PARD3: variants seen among roughly 807,000 people sequenced by gnomAD.
The protein encoded by PARD3 is par-3 family cell polarity regulator.
Under a neutral mutation model 155.4 loss-of-function variants are expected in PARD3, and 75 were observed. That is an observed-to-expected ratio of 0.48 (90% CI 0.40 to 0.58). PARD3 has a LOEUF of 0.58. Among genes scored for constraint, PARD3 ranks in the 20% least tolerant of loss-of-function variants. The pLI, the probability that PARD3 is intolerant of heterozygous loss-of-function variation, is 0.00. For synonymous variants in PARD3, 576 were observed against 610.5 expected, an observed-to-expected ratio of 0.94 and a Z score of 0.83; for missense variants, 1,642 against 1,721.7, an observed-to-expected ratio of 0.95 and a Z score of 0.82.
intron 22 of PARD3, among the ~76,000 whole-genome samples, chr10:34,156,484 C>A (rs939016718): frequency 2.6e-5 from 4 of 152,114 alleles, no homozygotes; most frequent in Non-Finnish European, 5.9e-5. Context: ...CATAAAGAGA[C>A]GGCTCATGGT....
chr10:34,679,651 A>G (rs564966151), intron 2 of PARD3, among the ~76,000 whole-genome samples: 1 of 152,224 alleles, frequency 6.6e-6, no homozygotes, highest in East Asian at 1.9e-4. Flanking sequence ...GCCACCTCCC[A>G]TGTCACAGAA....
At chr10:34,786,007 T>G (rs903266689) in intron 1 of PARD3, among the ~76,000 whole-genome samples, 2 of 152,026 alleles carry the variant, frequency 1.3e-5, no homozygotes, top group African/African-American at 4.8e-5. Context: ...GAACAGTGTC[T>G]TCCCTGCATT....
rs142339466 is a variant in PARD3, at chr10:34,354,642, T to C, written c.2067+4505A>G. Among the ~76,000 whole-genome samples the C allele has an allele frequency of 3.9e-5, 6 of 152,124 alleles. No individual in the cohort carries two copies. The East Asian group carries it at 1.2e-3, about 30-fold the overall frequency. ...ATGGAAAATGAAAGACTGCGTTAAG[T>C]CTTTGCTAGGATGAGGGGCAGATAG... On this transcript the variant is annotated intron_variant, in intron 14 of 24. Coordinates refer to ENST00000374788, the MANE Select transcript of PARD3 (RefSeq NM_001184785.2).
At chr10:34,326,125 T>TAAAA (rs979390862) in intron 19 of PARD3, among the ~76,000 whole-genome samples, 18 of 108,894 alleles carry the variant, frequency 1.7e-4, no homozygotes, top group African/African-American at 5.0e-4. Context: ...ACACTCTTTC[T>TAAAA]AAAAAAAAAA....
At chr10:34,364,601 T>A (rs1839787242) in intron 12 of PARD3, among the ~76,000 whole-genome samples, 1 of 152,060 alleles carries the variant, frequency 6.6e-6, no homozygotes, top group Non-Finnish European at 1.5e-5. Flanking sequence ...CCTGACTAAC[T>A]TTTTCTCTTT....
chr10:34,517,391 A>C (rs1314954456), intron 2 of PARD3, among the ~76,000 whole-genome samples: 2 of 152,218 alleles, frequency 1.3e-5, no homozygotes, highest in Non-Finnish European at 2.9e-5. Context: ...TGGGTGAAAA[A>C]ATAATAAAAT....
intron 1 of PARD3, among the ~76,000 whole-genome samples, chr10:34,745,347 G>GC: frequency 6.6e-6 from 1 of 150,430 alleles, no homozygotes; most frequent in Non-Finnish European, 1.5e-5. Flanking sequence ...GGATGACAGA[G>GC]AAAGACCCTA....
At chr10:34,649,116 G>A (rs1258846184) in intron 2 of PARD3, among the ~76,000 whole-genome samples, 1 of 152,158 alleles carries the variant, frequency 6.6e-6, no homozygotes, top group Admixed American at 6.5e-5. Flanking sequence ...TGAGCATACA[G>A]AGACATGCAT....
At chr10:34,236,318 T>A (rs1003049553) in intron 22 of PARD3, among the ~76,000 whole-genome samples, 6 of 152,182 alleles carry the variant, frequency 3.9e-5, no homozygotes, top group African/African-American at 1.4e-4. Context: ...AGCTTATTTT[T>A]TTATTTCCCA....
At chr10:34,700,013 C>T (rs1340785578) in intron 1 of PARD3, among the ~76,000 whole-genome samples, 1 of 152,158 alleles carries the variant, frequency 6.6e-6, no homozygotes, top group Non-Finnish European at 1.5e-5. Context: ...GAATGTTTCT[C>T]ATTCAGGATA....
At chr10:34,482,032 CTTTTTTTTT>C (rs58877037) in intron 3 of PARD3, among the ~76,000 whole-genome samples, 10 of 101,598 alleles carry the variant, frequency 9.8e-5, no homozygotes, top group African/African-American at 3.9e-4. Flanking sequence ...TAATTTTTAT[CTTTTTTTTT>C]TTTTTTTTTT....
chr10:34,357,723 G>C (rs1839035309), intron 14 of PARD3, among the ~76,000 whole-genome samples: 1 of 152,138 alleles, frequency 6.6e-6, no homozygotes, highest in Non-Finnish European at 1.5e-5. Context: ...TCTCCACTCT[G>C]AGATTTTTTA....
chr10:34,405,427 A>G (rs1844358290), intron 5 of PARD3, among the ~76,000 whole-genome samples: 1 of 152,238 alleles, frequency 6.6e-6, no homozygotes. Flanking sequence ...TATTATTTAT[A>G]ATTTAGAAAC....
At chr10:34,534,171 CAGG>C (rs1564818097) in intron 2 of PARD3, among the ~76,000 whole-genome samples, 1 of 150,136 alleles carries the variant, frequency 6.7e-6, no homozygotes, top group Admixed American at 6.6e-5. Context: ...GAGGCTGAGG[CAGG>C]AGAATGGCAT....
intron 1 of PARD3, among the ~76,000 whole-genome samples, chr10:34,741,174 A>ATTTTTTTTTTTTTTTTTTTTT (rs71033345): frequency 2.6e-5 from 3 of 114,306 alleles, no homozygotes; most frequent in Admixed American, 1.1e-4. Context: ...CGTAAACCAA[A>ATTTTTTTTTTTTTTTTTTTTT]TTTTTTTTTT....
intron 2 of PARD3, among the ~76,000 whole-genome samples, chr10:34,676,775 C>T (rs3002031): frequency 0.69 from 104,152 of 151,980 alleles, 36,155 homozygotes; most frequent in African/African-American, 0.73. Flanking sequence ...AAATTCTCAA[C>T]TGGCAAATAC....
At chr10:34,336,124 A>G (rs1430923788) in intron 18 of PARD3, 75 bp downstream of exon 18, 1 of 1,056,664 alleles carries the variant, frequency 9.5e-7, no homozygotes, top group Non-Finnish European at 1.5e-6. Context: ...ATGGCATATG[A>G]TTGGCAGCTC....
intron 3 of PARD3, among the ~76,000 whole-genome samples, chr10:34,514,911 C>T (rs1332300240): frequency 6.6e-6 from 1 of 152,110 alleles, no homozygotes; most frequent in South Asian, 2.1e-4. Flanking sequence ...ATTAAAGCTA[C>T]AAATTGCTTT....
chr10:34,801,803 T>C (rs1453342634), intron 1 of PARD3, among the ~76,000 whole-genome samples: 4 of 152,196 alleles, frequency 2.6e-5, no homozygotes, highest in Non-Finnish European at 4.4e-5. Flanking sequence ...ACATGAATTA[T>C]AGAGGCCTAT....
Sources: allele counts gnomAD v4.1 joint callset (sites outside exome capture counted in the v4.1 genomes callset), GRCh38; gene constraint gnomAD v4.1.1; transcripts MANE v1.5; gene names NCBI Gene and HGNC (gene_info 2026-07-23, HGNC 2026-07-21).